The following GNAI1 variants were observed in gnomAD, a reference collection of about 807,000 sequenced individuals.
The protein encoded by GNAI1 is G protein subunit alpha i1, also known as guanine nucleotide-binding protein G(i) subunit alpha-1.
GNAI1 carries 11 observed loss-of-function variants against 38.9 expected under a neutral mutation model. The observed-to-expected ratio is 0.28, with a 90% CI of 0.18 to 0.47. GNAI1 has a LOEUF of 0.47. GNAI1 is among the 20% of genes least tolerant of loss of function. GNAI1 has a pLI of 0.99. For missense variants in GNAI1, 317 were observed against 436.9 expected, an observed-to-expected ratio of 0.73 and a Z score of 2.45; for synonymous variants, 166 against 145.1, an observed-to-expected ratio of 1.14 and a Z score of -1.04.
chr7:80,205,383 A>C (rs933155949), intron 5 of GNAI1, among the ~76,000 whole-genome samples: 1 of 152,084 alleles, frequency 6.6e-6, no homozygotes, highest in East Asian at 1.9e-4. Flanking sequence ...AGTCATGGGC[A>C]TCAATTAGAT....
intron 1 of GNAI1, chr7:80,187,209 T>TTG (rs369416678): frequency 0.072 from 6,686 of 92,658 alleles, 169 homozygotes; most frequent in Middle Eastern, 0.14. Flanking sequence ...GTGTGTGTCT[T>TTG]TGTGTGTGTG....
chr7:80,220,482 G>A lies in GNAI1; in HGVS notation c.*2989G>A, dbSNP rs776969123. Among the ~76,000 whole-genome samples the A allele has an allele frequency of 4.6e-5, 7 of 152,090 alleles. No individual in the cohort carries two copies. Among genetic ancestry groups the A allele is most frequent in the South Asian group, 2.1e-4 (1 of 4,826 alleles). The stretch of plus-strand genomic sequence containing the variant: ...TGCCAATCGCATTTCTTACTTCTCC[G>A]TCTCTAGGCTTAGACCTGACCAATC... On this transcript the variant is annotated 3_prime_UTR_variant, in exon 8 of 8. Coordinates refer to ENST00000649796, the MANE Select transcript of GNAI1 (RefSeq NM_002069.6).
rs934102459 is a variant in GNAI1, at chr7:80,221,462, G to A, written c.*3969G>A. 6.6e-6 allele frequency among the ~76,000 whole-genome samples: 1 copy of A among 151,940 alleles called. No individual in the cohort carries two copies. Among genetic ancestry groups the A allele is most frequent in the African/African-American group, 2.4e-5 (1 of 41,380 alleles). ...TGTTGATACGTGCTTTGAATGAAAT[G>A]CCTCAAAAACAAAACTCTCATAATT... On this transcript the variant is annotated 3_prime_UTR_variant, in exon 8 of 8. Transcript: ENST00000649796.
chr7:80,180,343 G>C (rs1182307580), intron 1 of GNAI1, among the ~76,000 whole-genome samples: 1 of 151,634 alleles, frequency 6.6e-6, no homozygotes, highest in Admixed American at 6.6e-5. Context: ...GTGTGTGTGT[G>C]TGTGTGTATA....
At chr7:80,188,916 T>A in intron 1 of GNAI1, 35 bp from the exon 2 acceptor site, 2 of 1,414,918 alleles carry the variant, frequency 1.4e-6, no homozygotes, top group Non-Finnish European at 2.0e-6. Flanking sequence ...GTGATTATGA[T>A]GAAATTAGAA....
At chr7:80,206,950 G>T (rs1048949737) in intron 5 of GNAI1, among the ~76,000 whole-genome samples, 1 of 152,050 alleles carries the variant, frequency 6.6e-6, no homozygotes, top group African/African-American at 2.4e-5. Context: ...TTGACCACAG[G>T]TAACTGAAAC....
intron 4 of GNAI1, among the ~76,000 whole-genome samples, chr7:80,202,557 A>G (rs957745835): frequency 6.6e-6 from 1 of 152,256 alleles, no homozygotes; most frequent in African/African-American, 2.4e-5. Context: ...GCACAGAGAA[A>G]GTACTGGAGG....
At chr7:80,211,856 G>C (rs1584055106) in intron 6 of GNAI1, among the ~76,000 whole-genome samples, 1 of 152,182 alleles carries the variant, frequency 6.6e-6, no homozygotes, top group South Asian at 2.1e-4. Context: ...TTATTACAAA[G>C]TGGGGGAAAA....
intron 4 of GNAI1, among the ~76,000 whole-genome samples, chr7:80,203,078 ATAC>A (rs1788716906): frequency 1.3e-5 from 2 of 152,220 alleles, no homozygotes; most frequent in South Asian, 2.1e-4. Context: ...GCATGGTATG[ATAC>A]TACTACATTT....
At chr7:80,195,753 C>A (rs1389099240) in intron 3 of GNAI1, among the ~76,000 whole-genome samples, 1 of 151,942 alleles carries the variant, frequency 6.6e-6, no homozygotes, top group Non-Finnish European at 1.5e-5. Flanking sequence ...TACATAAATT[C>A]TATCTGCTGT....
chr7:80,179,009 A>G (rs1788245331), intron 1 of GNAI1, among the ~76,000 whole-genome samples: 1 of 152,222 alleles, frequency 6.6e-6, no homozygotes, highest in Non-Finnish European at 1.5e-5. Context: ...AGTGTAATGT[A>G]TTACAGTATA....
At chr7:80,135,433 G>C (rs1021255529) in intron 1 of GNAI1, 155 bp downstream of exon 1, 2 of 438,022 alleles carry the variant, frequency 4.6e-6, no homozygotes, top group Admixed American at 4.4e-5. Context: ...GGCAAGGCGG[G>C]TCCCCCTCTC....
rs751395120 is a variant in GNAI1 at position 80,212,827 on chromosome 7, A to G, written c.832A>G (p.Ile278Val). 1 of 1,582,920 alleles carries G rather than the reference A, an allele frequency of 6.3e-7. No individual in the cohort carries two copies. Among genetic ancestry groups the G allele is most frequent in the South Asian group, 1.2e-5 (1 of 83,732 alleles). Residue 278 changes from isoleucine to valine, a missense_variant, in exon 7 of 8, where the codon ATC (isoleucine) becomes GTC (valine). Physicochemically the swap from Ile to Val is conservative, Grantham distance 29. This residue lies in a region of GNAI1 where 158 missense variants were observed against 234.7 expected (regional missense o/e 0.67). Transcript: ENST00000649796. ...LNKKDLFEEKIKKSPLTICYP... is the reference protein window; with the variant it reads ...LNKKDLFEEKVKKSPLTICYP... ...CAAGAAGGATCTCTTTGAAGAAAAA[A>G]TCAAAAAGAGCCCTCTCACTATATG...
intron 1 of GNAI1, among the ~76,000 whole-genome samples, chr7:80,184,154 C>T (rs149843732): frequency 9.2e-5 from 14 of 152,242 alleles, no homozygotes; most frequent in African/African-American, 3.4e-4. Context: ...TCAATTCTTA[C>T]CTCCTCAGAA....
intron 1 of GNAI1, among the ~76,000 whole-genome samples, chr7:80,183,214 G>C (rs1788326737): frequency 6.6e-6 from 1 of 152,078 alleles, no homozygotes; most frequent in Non-Finnish European, 1.5e-5. Flanking sequence ...CTAAGAAAAA[G>C]GGAGGGAAAT....
At chr7:80,143,202 A>C (rs1426166786) in intron 1 of GNAI1, among the ~76,000 whole-genome samples, 1 of 152,186 alleles carries the variant, frequency 6.6e-6, no homozygotes, top group Non-Finnish European at 1.5e-5. Flanking sequence ...CCAGATCCTT[A>C]AGAGAATTTA....
chr7:80,147,535 C>T (rs1317560740), intron 1 of GNAI1, among the ~76,000 whole-genome samples: 2 of 152,158 alleles, frequency 1.3e-5, no homozygotes, highest in Non-Finnish European at 2.9e-5. Context: ...GTTTAAGCCA[C>T]CCAGTATAGT....
At chr7:80,193,984 A>G (rs112589654) in intron 3 of GNAI1, among the ~76,000 whole-genome samples, 4 of 152,176 alleles carry the variant, frequency 2.6e-5, no homozygotes, top group Non-Finnish European at 4.4e-5. Flanking sequence ...ATGCTCCTGC[A>G]TAATGGCCAT....
intron 1 of GNAI1, among the ~76,000 whole-genome samples, chr7:80,164,621 C>G (rs1037021764): frequency 6.6e-6 from 1 of 152,208 alleles, no homozygotes; most frequent in East Asian, 1.9e-4. Flanking sequence ...CTTGGCCTCC[C>G]CACTTTCTTT....
Sources: allele counts gnomAD v4.1 joint callset (sites outside exome capture counted in the v4.1 genomes callset), GRCh38; gene constraint gnomAD v4.1.1; regional missense constraint gnomAD v4.1.1; transcripts MANE v1.5; gene names NCBI Gene and HGNC (gene_info 2026-07-23, HGNC 2026-07-21).